Variants in SIL1 observed in about 807,000 individuals in gnomAD.
SIL1 encodes the protein SIL1 nucleotide exchange factor, also known as nucleotide exchange factor SIL1.
Under a neutral mutation model 49.1 loss-of-function variants are expected in SIL1, and 40 were observed. The observed-to-expected ratio is 0.81, with a 90% CI of 0.63 to 1.06. The LOEUF (loss-of-function observed/expected upper bound fraction) is 1.06. Among genes scored for constraint, SIL1 ranks in the 50% least tolerant of loss-of-function variants. The probability of loss-of-function intolerance (pLI) is 0.00; values close to 1 mark genes in which losing one functional copy is unlikely to be tolerated. For missense variants in SIL1, 500 were observed against 572.6 expected (o/e 0.87, Z 1.29); for synonymous variants, 253 against 250.8 (o/e 1.01, Z -0.08).
chr5:139,077,117 C>A (rs145097228), intron 3 of SIL1, among the ~76,000 whole-genome samples: 98 of 152,216 alleles, frequency 6.4e-4, no homozygotes, highest in African/African-American at 2.0e-3. Context: ...CTTGGCGACA[C>A]AGTAAGACTC....
chr5:138,986,621 T>C (rs972537096), intron 7 of SIL1, among the ~76,000 whole-genome samples: 2 of 152,200 alleles, frequency 1.3e-5, no homozygotes, highest in African/African-American at 2.4e-5. Flanking sequence ...GCTCTAACTC[T>C]ATTCAACTCT....
intron 3 of SIL1, among the ~76,000 whole-genome samples, chr5:139,092,923 GCTTTGCCCTCATGAATGATT>G (rs2151777386): frequency 6.6e-6 from 1 of 152,306 alleles, no homozygotes; most frequent in East Asian, 1.9e-4. Context: ...GGTCATGAGG[GCTTTGCCCTCATGAATGATT>G]AATGTCACTA....
chr5:139,089,532 TA>T (rs35828495), intron 3 of SIL1, among the ~76,000 whole-genome samples: 4 of 151,708 alleles, frequency 2.6e-5, no homozygotes, highest in Admixed American at 2.0e-4. Flanking sequence ...TTCTTTTTGT[TA>T]AAAAAGACAT....
intron 3 of SIL1, among the ~76,000 whole-genome samples, chr5:139,063,025 A>G (rs1320291894): frequency 1.3e-5 from 2 of 152,242 alleles, no homozygotes; most frequent in Non-Finnish European, 2.9e-5. Context: ...CAAGCAAGCA[A>G]TGAGGAACTC....
Position 138,949,472 on chromosome 5 carries a change from T to C in SIL1, c.1029+1699A>G, listed in dbSNP as rs558949456. On this transcript the variant is annotated intron_variant, in intron 9 of 9. Transcript: ENST00000394817. The stretch of plus-strand genomic sequence containing the variant: ...GGTGGACAGCTCATGTCCCTCCACC[T>C]TCAGGCAGCTCTGGACCCACCCCTA... Among the ~76,000 whole-genome samples the C allele has an allele frequency of 3.2e-3, 484 of 152,300 alleles. 2 individuals are homozygous for C. The highest frequency in any genetic ancestry group is 5.9e-3 in the Non-Finnish European group (399 of 68,010).
intron 7 of SIL1, among the ~76,000 whole-genome samples, chr5:138,969,643 GCAA>G (rs1767228708): frequency 6.6e-6 from 1 of 152,364 alleles, no homozygotes; most frequent in East Asian, 1.9e-4. Context: ...ACACAGGGGA[GCAA>G]CAACATTGGA....
chr5:139,065,731 T>C (rs577178139), intron 3 of SIL1, among the ~76,000 whole-genome samples: 1 of 152,322 alleles, frequency 6.6e-6, no homozygotes, highest in Admixed American at 6.5e-5. Context: ...CACCCAATCC[T>C]GGGCAACTAA....
At chr5:139,145,960 GTATA>G (rs1418888040) in intron 1 of SIL1, among the ~76,000 whole-genome samples, 1 of 151,874 alleles carries the variant, frequency 6.6e-6, no homozygotes, top group African/African-American at 2.4e-5. Context: ...TTGTGTGTGT[GTATA>G]TATAAGTATG....
At chr5:139,135,959 C>A (rs975917651) in intron 1 of SIL1, among the ~76,000 whole-genome samples, 1 of 151,986 alleles carries the variant, frequency 6.6e-6, no homozygotes, top group African/African-American at 2.4e-5. Flanking sequence ...CCCAGCTACT[C>A]GGGAGGCTGA....
intron 3 of SIL1, among the ~76,000 whole-genome samples, chr5:139,118,770 T>G (rs1481864638): frequency 6.6e-6 from 1 of 152,184 alleles, no homozygotes; most frequent in African/African-American, 2.4e-5. Flanking sequence ...ACACACACCC[T>G]TGAGAGGTCA....
intron 3 of SIL1, among the ~76,000 whole-genome samples, chr5:139,118,145 C>G (rs749356569): frequency 1.3e-5 from 2 of 152,190 alleles, no homozygotes; most frequent in East Asian, 3.8e-4. Flanking sequence ...TCTGCTAACC[C>G]CTTTTGCTCG....
At chr5:139,062,849 T>C (rs961340453) in intron 3 of SIL1, among the ~76,000 whole-genome samples, 4 of 152,234 alleles carry the variant, frequency 2.6e-5, no homozygotes, top group African/African-American at 7.2e-5. Flanking sequence ...TTTCCAGGCA[T>C]TCCTTCTGCC....
At chr5:139,096,637 C>A (rs1322004693) in intron 3 of SIL1, among the ~76,000 whole-genome samples, 1 of 151,660 alleles carries the variant, frequency 6.6e-6, no homozygotes, top group East Asian at 1.9e-4. Context: ...GAACAGGGCA[C>A]CAGTCAGAGT....
At chr5:139,145,580 C>T (rs1228421688) in intron 1 of SIL1, among the ~76,000 whole-genome samples, 1 of 151,124 alleles carries the variant, frequency 6.6e-6, no homozygotes, top group African/African-American at 2.4e-5. Flanking sequence ...ACTCAAACAG[C>T]CATCACAGAT....
chr5:139,034,636 T>C (rs1193676155), intron 5 of SIL1, among the ~76,000 whole-genome samples: 2 of 152,354 alleles, frequency 1.3e-5, no homozygotes, highest in African/African-American at 4.8e-5. Flanking sequence ...TTCTTCCTCC[T>C]AATTGTCTTC....
At position 139,036,291 on chromosome 5, in the gene SIL1, AG is replaced by A. The variant is rs34116951; in HGVS notation, c.453+6328del. ...CCAGGGTTTTCATAGTTTTAGGTTAAGTCTTTAATCCATCTTGAGTTCATTT... is the reference window on the plus strand; with the variant it reads ...CCAGGGTTTTCATAGTTTTAGGTTAATCTTTAATCCATCTTGAGTTCATTT... On this transcript the variant is annotated intron_variant, in intron 5 of 9. Transcript: ENST00000394817. Among the ~76,000 whole-genome samples, 865 of 152,268 alleles carry A rather than the reference AG, an allele frequency of 5.7e-3. 11 individuals are homozygous for A. Among genetic ancestry groups the A allele is most frequent in the African/African-American group, 0.02 (818 of 41,548 alleles).
intron 7 of SIL1, among the ~76,000 whole-genome samples, chr5:138,967,390 G>A (rs1767167827): frequency 6.6e-6 from 1 of 152,174 alleles, no homozygotes; most frequent in South Asian, 2.1e-4. Context: ...CGCTAGGCTA[G>A]AGTATCCCTG....
intron 5 of SIL1, chr5:139,035,417 A>G: frequency 1.9e-6 from 1 of 540,420 alleles, no homozygotes; most frequent in Non-Finnish European, 3.6e-6. Flanking sequence ...GGGCAGAGGC[A>G]GAAGGCACTG....
intron 1 of SIL1, among the ~76,000 whole-genome samples, chr5:139,160,563 G>A (rs1303536515): frequency 6.6e-6 from 1 of 152,230 alleles, no homozygotes; most frequent in Non-Finnish European, 1.5e-5. Context: ...GCGAGGCCAG[G>A]TGTCGTGGCT....
Sources: allele counts gnomAD v4.1 joint callset (sites outside exome capture counted in the v4.1 genomes callset), GRCh38; gene constraint gnomAD v4.1.1; transcripts MANE v1.5; gene names NCBI Gene and HGNC (gene_info 2026-07-23, HGNC 2026-07-21).